CCDC13: variants seen among roughly 807,000 people sequenced by gnomAD.
The protein encoded by CCDC13 is coiled-coil domain containing 13.
Under a neutral mutation model 87.3 loss-of-function variants are expected in CCDC13, and 70 were observed. The observed-to-expected ratio is 0.80, with a 90% CI of 0.66 to 0.98. CCDC13 has a LOEUF of 0.98. Ranked by LOEUF, CCDC13 falls within the 50% of genes least tolerant of loss-of-function variation. The pLI is 0.00. For synonymous variants in CCDC13, 317 were observed against 360.3 expected, an observed-to-expected ratio of 0.88 and a Z score of 1.36; for missense variants, 842 against 892.0, an observed-to-expected ratio of 0.94 and a Z score of 0.71.
In CCDC13 at chr3:42,708,715, G is replaced by A. The variant is rs1370475083; in HGVS notation, c.*265C>T. The A allele has an allele frequency of 4.2e-5, 16 of 376,956 alleles. No homozygotes were observed. The highest frequency in any genetic ancestry group is 8.4e-5 in the African/African-American group (4 of 47,540). 23.4% of individuals were successfully genotyped at this position (376,956 alleles called of 1,614,324 possible). A position where few individuals can be genotyped will look rare whatever the true frequency, so the allele number is the denominator to read the frequency against. On this transcript the variant is annotated 3_prime_UTR_variant, in exon 16 of 16. Coordinates refer to ENST00000310232, the MANE Select transcript of CCDC13 (RefSeq NM_144719.4). ...GCCGCCTTGCCATCCCAGAGCTCTC[G>A]CCTCTGCCAGTGGGCTGCTGGGCCT...
rs550645307 is a variant in CCDC13, at chr3:42,706,366, T to C, written c.*2614A>G. On this transcript the variant is annotated 3_prime_UTR_variant, in exon 16 of 16. Transcript: ENST00000310232. ...GGGAACACTAAGAGCGAATAATTAT[T>C]AAGCGCTTACTGTGTGCGAGCAGCT... 5.3e-5 allele frequency: 8 copies of C among 152,340 alleles called. No homozygotes were observed. The highest frequency in any genetic ancestry group is 4.6e-4 in the Admixed American group (7 of 15,302). The allele number at this position is 152,340 out of a possible 1,614,324, so 9.4% of individuals were successfully genotyped here.
At chr3:42,730,988 C>G (rs1658264815) in intron 12 of CCDC13, among the ~76,000 whole-genome samples, 1 of 152,124 alleles carries the variant, frequency 6.6e-6, no homozygotes, top group African/African-American at 2.4e-5. Flanking sequence ...GCCAGTCTCT[C>G]CCAGCCCTCC....
chr3:42,741,659 C>T (rs1402311761), intron 8 of CCDC13, among the ~76,000 whole-genome samples: 2 of 152,166 alleles, frequency 1.3e-5, no homozygotes, highest in Non-Finnish European at 1.5e-5. Context: ...ATCACTTGAA[C>T]CCCGGAGGCG....
At chr3:42,749,246 G>A (rs9851176) in intron 5 of CCDC13, among the ~76,000 whole-genome samples, 2,661 of 152,220 alleles carry the variant, frequency 0.017, 75 homozygotes, top group African/African-American at 0.059. Context: ...GATCTCTAGC[G>A]CCATGAGCCC....
rs1017552182 is a variant in CCDC13, at chr3:42,709,893, C to G, written c.1874-95G>C. 3.6e-5 allele frequency: 34 copies of G among 950,432 alleles called. No individual in the cohort carries two copies. The African/African-American group carries it at 4.0e-4, about 11-fold the overall frequency. The allele number at this position is 950,432 out of a possible 1,614,324, so 58.9% of individuals were successfully genotyped here. A position where few individuals can be genotyped will look rare whatever the true frequency, so the allele number is the denominator to read the frequency against. Reference sequence around the variant, plus strand: ...CGCCATTGCCCACTGCCTGCTCTTCCACATGGTGAAACGCTACACCGCCTT... The same window carrying G: ...CGCCATTGCCCACTGCCTGCTCTTCGACATGGTGAAACGCTACACCGCCTT... On this transcript the variant is annotated intron_variant, in intron 14 of 15. Transcript: ENST00000310232.
chr3:42,758,065 AC>A, intron 2 of CCDC13, 59 bp downstream of exon 2: 1 of 601,136 alleles, frequency 1.7e-6, no homozygotes, highest in Non-Finnish European at 2.2e-6. Context: ...CCGGTGGTAC[AC>A]ACACACACAC....
chr3:42,724,857 C>G (rs1157923562), intron 13 of CCDC13, among the ~76,000 whole-genome samples: 1 of 151,972 alleles, frequency 6.6e-6, no homozygotes, highest in Non-Finnish European at 1.5e-5. Context: ...GGAGGTTTCC[C>G]CCTACCTAAG....
rs150553899 is a variant in CCDC13 at position 42,715,567 on chromosome 3, G to A, written c.1719-2251C>T. Among the ~76,000 whole-genome samples, 719 of 152,166 alleles carry A rather than the reference G, an allele frequency of 4.7e-3. 5 individuals carry two copies. The highest frequency in any genetic ancestry group is 0.016 in the African/African-American group (672 of 41,514). On this transcript the variant is annotated intron_variant, in intron 13 of 15. Transcript: ENST00000310232. The stretch of plus-strand genomic sequence containing the variant: ...GCAGAGGTTGCAGTGAGCCGAGATC[G>A]CACCACTGCACTCTGGCCTGGGCAA...
chr3:42,713,111 C>G, intron 14 of CCDC13, 51 bp downstream of exon 14: 1 of 1,586,960 alleles, frequency 6.3e-7, no homozygotes. Context: ...CCTCTGTTAG[C>G]AGCAACACTG....
Position 42,713,163 on chromosome 3 carries a change from T to A in CCDC13, c.1872A>T (p.Thr624=), listed in dbSNP as rs1698352761. 1 of 1,613,674 alleles carries A rather than the reference T, an allele frequency of 6.2e-7. No homozygotes were observed. The highest frequency in any genetic ancestry group is 8.5e-7 in the Non-Finnish European group (1 of 1,179,790). The part of the protein sequence containing the change: ...ASQRAAPRTK[T]GLPTSNNRHN... ...TGAGACTACTGCCCTGGCCCCTACC[T>A]GTTTTGGTCCTGGGAGCTGCTCTCT... Residue 624 remains threonine, a splice_region_variant and synonymous_variant, in exon 14 of 16, where the codon ACA becomes ACT. Coordinates refer to ENST00000310232, the MANE Select transcript of CCDC13 (RefSeq NM_144719.4).
Position 42,751,945 on chromosome 3 carries a change from G to T in CCDC13, c.594C>A (p.Asp198Glu). The T allele has an allele frequency of 6.2e-7, 1 of 1,612,140 alleles. No individual in the cohort carries two copies. Residue 198 changes from aspartate to glutamate, a missense_variant, in exon 5 of 16, where the codon GAC (aspartate) becomes GAA (glutamate). Physicochemically the swap from Asp to Glu is conservative, Grantham distance 45. Coordinates refer to ENST00000310232, the MANE Select transcript of CCDC13 (RefSeq NM_144719.4). The part of the protein sequence containing the change: ...GAKPPRAQMG[D>E]RALLETPEVK... ...AGAAGAGAATTCATACCAATGCTCT[G>T]TCTCCCATCTGGGCCCTCGGTGGCT...
At chr3:42,715,620 GA>G (rs933611012) in intron 13 of CCDC13, among the ~76,000 whole-genome samples, 6 of 150,216 alleles carry the variant, frequency 4.0e-5, no homozygotes, top group African/African-American at 1.2e-4. Context: ...GTAACAAAAA[GA>G]AAAAAAAATA....
chr3:42,733,158 C>G lies in CCDC13; in HGVS notation c.1512-188G>C, dbSNP rs548930765. On this transcript the variant is annotated intron_variant, in intron 11 of 15. Transcript: ENST00000310232. ...CAAAATGAGACAGAACAGGAGACAC[C>G]AGAGCCTTGAACAACCCAACACGGG... 1.3e-4 allele frequency among the ~76,000 whole-genome samples: 20 copies of G among 152,346 alleles called. 1 individual carries two copies. The highest frequency in any genetic ancestry group is 4.1e-4 in the African/African-American group (17 of 41,582).
At chr3:42,753,173 A>G (rs1450283024) in intron 3 of CCDC13, among the ~76,000 whole-genome samples, 1 of 152,190 alleles carries the variant, frequency 6.6e-6, no homozygotes, top group Non-Finnish European at 1.5e-5. Flanking sequence ...AGAGGCTTGA[A>G]AAGCACTCGT....
intron 1 of CCDC13, among the ~76,000 whole-genome samples, chr3:42,760,570 T>C (rs969731049): frequency 1.3e-5 from 2 of 150,812 alleles, no homozygotes; most frequent in Admixed American, 6.6e-5. Context: ...TGAGTCAAGA[T>C]TGAGCCATTG....
intron 8 of CCDC13, among the ~76,000 whole-genome samples, chr3:42,742,675 G>A (rs531004314): frequency 2.0e-5 from 3 of 152,218 alleles, no homozygotes; most frequent in South Asian, 4.2e-4. Flanking sequence ...ATGGGGCCAC[G>A]AAAAGTTCAT....
intron 8 of CCDC13, 127 bp downstream of exon 8, chr3:42,742,769 C>T (rs1699260576): frequency 7.6e-6 from 9 of 1,182,364 alleles, no homozygotes; most frequent in Admixed American, 4.2e-5. Context: ...TGACCCAGGT[C>T]CCCAGGTGTC....
intron 13 of CCDC13, among the ~76,000 whole-genome samples, chr3:42,716,643 A>G (rs1698436788): frequency 6.6e-6 from 1 of 152,214 alleles, no homozygotes; most frequent in Admixed American, 6.5e-5. Context: ...AAGAGATATC[A>G]CTTCAAACCT....
At chr3:42,749,878 C>A (rs1166310713) in intron 5 of CCDC13, 2 of 456,716 alleles carry the variant, frequency 4.4e-6, no homozygotes, top group South Asian at 1.5e-5. Context: ...CTGGAATGTG[C>A]TTTGGAGGCC....
Sources: allele counts gnomAD v4.1 joint callset (sites outside exome capture counted in the v4.1 genomes callset), GRCh38; gene constraint gnomAD v4.1.1; transcripts MANE v1.5; gene names NCBI Gene and HGNC (gene_info 2026-07-23, HGNC 2026-07-21).